The following RASSF9 variants were observed in gnomAD, a reference collection of about 807,000 sequenced individuals.
The protein encoded by RASSF9 is Ras association domain family member 9.
Under a neutral mutation model 21.4 loss-of-function variants are expected in RASSF9, and 18 were observed. That is an observed-to-expected ratio of 0.84 (90% confidence interval 0.58 to 1.25). The LOEUF (loss-of-function observed/expected upper bound fraction) is 1.25, where lower values mean the gene tolerates loss of function less well. Among genes scored for constraint, RASSF9 ranks in the 50% most tolerant of loss-of-function variants. The probability of loss-of-function intolerance (pLI) is 0.00; values close to 1 mark genes in which losing one functional copy is unlikely to be tolerated. For missense variants in RASSF9, 480 were observed against 503.2 expected (o/e 0.95, Z 0.44); for synonymous variants, 183 against 179.1 (o/e 1.02, Z -0.18).
chr12:85,809,475 A>T (rs1322841069), intron 1 of RASSF9, among the ~76,000 whole-genome samples: 2 of 151,954 alleles, frequency 1.3e-5, no homozygotes, highest in Non-Finnish European at 2.9e-5. Context: ...TGCAGTAATA[A>T]AATATTTCTG....
rs1406927217 is a variant in RASSF9, at chr12:85,834,708, A to G, written c.47+1447T>C. Among the ~76,000 whole-genome samples, 3 of 152,164 alleles carry G rather than the reference A, an allele frequency of 2.0e-5. No individual in the cohort carries two copies. In the South Asian group the frequency reaches 6.2e-4, roughly 31 times the overall value. On this transcript the variant is annotated intron_variant, in intron 1 of 1. Coordinates refer to ENST00000361228, the MANE Select transcript of RASSF9 (RefSeq NM_005447.4). ...AAAGTTTTCCAGAGTATTTTTATAC[A>G]TTTGATGACATTTAAACAAATGCCA...
chr12:85,807,244 T>C (rs1879856061), intron 1 of RASSF9, among the ~76,000 whole-genome samples: 2 of 152,128 alleles, frequency 1.3e-5, no homozygotes, highest in African/African-American at 4.8e-5. Context: ...ACTGTGAATG[T>C]AGTTGAAAGC....
rs1201853106 is a variant in RASSF9 at position 85,804,707 on chromosome 12, T to C, written c.1303A>G (p.Thr435Ala). 6.3e-7 allele frequency: 1 copy of C among 1,593,342 alleles called. No individual in the cohort carries two copies. The highest frequency in any genetic ancestry group is 1.7e-5 in the Admixed American group (1 of 59,036). The change falls in exon 2 of 2, where the codon ACA becomes GCA. Residue 435 changes from threonine to alanine, a missense_variant. Coordinates refer to ENST00000361228, the MANE Select transcript of RASSF9 (RefSeq NM_005447.4). ...TTVGDVVLLST is the reference protein window; with the variant it reads ...TTVGDVVLLSA ...TCAGAAAGGAGCCATTGGAACTATG[T>C]TGACAACAGCACCACATCTCCTACT...
At position 85,800,970 on chromosome 12, in the gene RASSF9, A is replaced by C. The variant is rs1879685519; in HGVS notation, c.*3732T>G. On this transcript the variant is annotated 3_prime_UTR_variant, in exon 2 of 2. Transcript: ENST00000361228. ...TCATGTACAGTAGATATTTAAATAA[A>C]TATAAAAATAAAATTTTAATGGATT... 1 of 151,948 alleles carries C rather than the reference A, an allele frequency of 6.6e-6. No individual in the cohort carries two copies. Among genetic ancestry groups the C allele is most frequent in the Non-Finnish European group, 1.5e-5 (1 of 67,938 alleles). 9.4% of individuals were successfully genotyped at this position (151,948 alleles called of 1,614,324 possible).
At chr12:85,835,455 T>C (rs1412247453) in intron 1 of RASSF9, among the ~76,000 whole-genome samples, 1 of 152,178 alleles carries the variant, frequency 6.6e-6, no homozygotes, top group Non-Finnish European at 1.5e-5. Flanking sequence ...CTATGGGCAT[T>C]TCAAGCTTGA....
chr12:85,811,161 C>T (rs1208014890), intron 1 of RASSF9, among the ~76,000 whole-genome samples: 1 of 151,830 alleles, frequency 6.6e-6, no homozygotes, highest in Non-Finnish European at 1.5e-5. Flanking sequence ...GGGTTGAATG[C>T]TTTTAGGTAA....
chr12:85,813,076 T>C (rs1879985499), intron 1 of RASSF9, among the ~76,000 whole-genome samples: 2 of 151,890 alleles, frequency 1.3e-5, no homozygotes, highest in African/African-American at 2.4e-5. Flanking sequence ...ACTGAAAAGA[T>C]AGATATATAC....
chr12:85,833,801 T>A (rs1880504571), intron 1 of RASSF9, among the ~76,000 whole-genome samples: 1 of 152,044 alleles, frequency 6.6e-6, no homozygotes, highest in Non-Finnish European at 1.5e-5. Context: ...TTACTTTACA[T>A]TGTACAATAA....
At chr12:85,809,030 T>G (rs1879894027) in intron 1 of RASSF9, among the ~76,000 whole-genome samples, 1 of 152,108 alleles carries the variant, frequency 6.6e-6, no homozygotes, top group African/African-American at 2.4e-5. Flanking sequence ...ATCTCTTGCA[T>G]GTACTAAGTA....
intron 1 of RASSF9, among the ~76,000 whole-genome samples, chr12:85,815,215 G>T (rs994186843): frequency 6.6e-6 from 1 of 151,976 alleles, no homozygotes; most frequent in Admixed American, 6.6e-5. Context: ...GGAGTTGTAG[G>T]CATAAAAGAT....
rs140951549 is a variant in RASSF9, at chr12:85,807,725, C to G, written c.48-1763G>C. ...TACTTTTCTCTGTTCTATAGAAGGT[C>G]AAGGGGAAAAAAACACTTCAGTTCT... On this transcript the variant is annotated intron_variant, in intron 1 of 1. Transcript: ENST00000361228. Among the ~76,000 whole-genome samples the G allele has an allele frequency of 2.0e-3, 304 of 151,640 alleles. 2 individuals carry two copies. Among genetic ancestry groups the G allele is most frequent in the African/African-American group, 7.1e-3 (293 of 41,356 alleles).
chr12:85,830,521 A>C lies in RASSF9; in HGVS notation c.47+5634T>G, dbSNP rs114040062. On this transcript the variant is annotated intron_variant, in intron 1 of 1. Coordinates refer to ENST00000361228, the MANE Select transcript of RASSF9 (RefSeq NM_005447.4). ...CTCTCTGGCTATCTAGGAAGGAAAA[A>C]TACAAGCAAGGTCCCTGCTCTGATT... is the stretch of plus-strand genomic sequence containing the variant. Among the ~76,000 whole-genome samples, 897 of 152,236 alleles carry C rather than the reference A, an allele frequency of 5.9e-3. 4 individuals are homozygous for C. Among genetic ancestry groups the C allele is most frequent in the African/African-American group, 0.021 (854 of 41,556 alleles).
At chr12:85,822,648 T>G (rs1565755780) in intron 1 of RASSF9, among the ~76,000 whole-genome samples, 1 of 152,232 alleles carries the variant, frequency 6.6e-6, no homozygotes, top group Non-Finnish European at 1.5e-5. Context: ...TTTTCTTCCC[T>G]AGGTTTTAAA....
chr12:85,830,654 G>T (rs1880430603), intron 1 of RASSF9, among the ~76,000 whole-genome samples: 1 of 151,970 alleles, frequency 6.6e-6, no homozygotes, highest in Non-Finnish European at 1.5e-5. Flanking sequence ...AATTTTCCTT[G>T]TTTGTCAGCA....
At position 85,804,856 on chromosome 12, in the gene RASSF9, G is replaced by T; in HGVS notation, c.1154C>A (p.Ser385Tyr). ...CTCCCCATTGCTACTGGGAACCTCA[G>T]ATTCCTTCGCTCTGTTTTCCTTTAA... ...CQLKENRAKESEVPSSNGEIP... is the reference protein window; with the variant it reads ...CQLKENRAKEYEVPSSNGEIP... Residue 385 changes from serine (S) to tyrosine (Y), a missense_variant, in exon 2 of 2, where the codon TCT becomes TAT. By Grantham distance (144) the Ser-to-Tyr change is moderately radical. Transcript: ENST00000361228. The T allele has an allele frequency of 6.2e-7, 1 of 1,613,664 alleles. No homozygotes were observed. Among genetic ancestry groups the T allele is most frequent in the South Asian group, 1.1e-5 (1 of 91,066 alleles).
intron 1 of RASSF9, among the ~76,000 whole-genome samples, chr12:85,825,225 T>C (rs1271584621): frequency 6.6e-6 from 1 of 152,182 alleles, no homozygotes; most frequent in African/African-American, 2.4e-5. Flanking sequence ...CTACAAAATC[T>C]AATGTACACT....
chr12:85,830,496 C>T (rs1376572382), intron 1 of RASSF9, among the ~76,000 whole-genome samples: 2 of 152,066 alleles, frequency 1.3e-5, no homozygotes, highest in African/African-American at 4.8e-5. Flanking sequence ...TGAGCACTTA[C>T]TCTCTGGCTA....
Position 85,836,343 on chromosome 12 carries a change from T to C in RASSF9, c.-142A>G, listed in dbSNP as rs1880564291. The C allele has an allele frequency of 2.7e-6, 4 of 1,480,310 alleles. No individual in the cohort carries two copies. The highest frequency in any genetic ancestry group is 2.5e-5 in the East Asian group (1 of 40,208). The allele number at this position is 1,480,310 out of a possible 1,614,324, so 91.7% of individuals were successfully genotyped here. A position where few individuals can be genotyped will look rare whatever the true frequency, so the allele number is the denominator to read the frequency against. On this transcript the variant is annotated 5_prime_UTR_variant, in exon 1 of 2. Transcript: ENST00000361228. ...ATGTTCCTGGCTTTCAGCTCATTAGTAGCCGGCTGAGAAAGTTGCTGGAAG... is the reference window on the plus strand; with the variant it reads ...ATGTTCCTGGCTTTCAGCTCATTAGCAGCCGGCTGAGAAAGTTGCTGGAAG...
In RASSF9 at chr12:85,805,764, C is replaced by A. The variant is rs1194103330; in HGVS notation, c.246G>T (p.Lys82Asn). 1 of 1,613,762 alleles carries A rather than the reference C, an allele frequency of 6.2e-7. No individual in the cohort carries two copies. Among genetic ancestry groups the A allele is most frequent in the Admixed American group, 1.7e-5 (1 of 60,006 alleles). ...GAAGAACCCTTTCGGAGCCTCTCCA[C>A]TTCTCTATGATGCAGTAATCACTGG... ...GKPSDYCIIEKWRGSERVLPP... is the reference protein window; with the variant it reads ...GKPSDYCIIENWRGSERVLPP... The change falls in exon 2 of 2, where the codon AAG becomes AAT. Residue 82 changes from lysine to asparagine, a missense_variant. Coordinates refer to ENST00000361228, the MANE Select transcript of RASSF9 (RefSeq NM_005447.4).
Sources: allele counts gnomAD v4.1 joint callset (sites outside exome capture counted in the v4.1 genomes callset), GRCh38; gene constraint gnomAD v4.1.1; transcripts MANE v1.5; gene names NCBI Gene and HGNC (gene_info 2026-07-23, HGNC 2026-07-21).